SEPTIN9: variants seen among roughly 807,000 people sequenced by gnomAD.
The protein encoded by SEPTIN9 is septin 9.
In SEPTIN9, 13 loss-of-function variants were observed where a neutral mutation model predicts 56.6. The observed-to-expected ratio is 0.23, with a 90% CI of 0.15 to 0.37. The LOEUF (loss-of-function observed/expected upper bound fraction) is 0.37. SEPTIN9 is among the 10% of genes least tolerant of loss of function. The pLI, the probability that SEPTIN9 is intolerant of heterozygous loss-of-function variation, is 1.00. For synonymous variants in SEPTIN9, 332 were observed against 334.1 expected (o/e 0.99, Z 0.07); for missense variants, 650 against 823.1 (o/e 0.79, Z 2.57).
intron 2 of SEPTIN9, among the ~76,000 whole-genome samples, chr17:77,308,117 C>T (rs925462731): frequency 1.3e-4 from 20 of 152,172 alleles, no homozygotes; most frequent in Non-Finnish European, 2.5e-4. Flanking sequence ...CCCTAGGAGA[C>T]GAGGAGCTCT....
chr17:77,357,669 C>T (rs759605267), intron 2 of SEPTIN9, among the ~76,000 whole-genome samples: 13 of 152,068 alleles, frequency 8.5e-5, no homozygotes, highest in Non-Finnish European at 1.8e-4. Flanking sequence ...GGCTGAAGTG[C>T]GGTGGTGCAG....
intron 1 of SEPTIN9, among the ~76,000 whole-genome samples, chr17:77,285,076 G>T (rs1337292152): frequency 1.3e-5 from 2 of 152,202 alleles, no homozygotes; most frequent in African/African-American, 2.4e-5. Context: ...GAAGGCTGGG[G>T]TTACGCCATT....
chr17:77,308,876 A>G (rs1318511307), intron 2 of SEPTIN9, among the ~76,000 whole-genome samples: 1 of 152,196 alleles, frequency 6.6e-6, no homozygotes, highest in Admixed American at 6.5e-5. Context: ...AGTGCATGTG[A>G]GGCCCCTTGC....
intron 2 of SEPTIN9, among the ~76,000 whole-genome samples, chr17:77,328,401 C>T (rs917823206): frequency 1.3e-5 from 2 of 152,176 alleles, no homozygotes; most frequent in African/African-American, 4.8e-5. Flanking sequence ...GGTCTCACTC[C>T]GTCACCCAGG....
chr17:77,353,149 G>A (rs1284251498), intron 2 of SEPTIN9, among the ~76,000 whole-genome samples: 2 of 152,234 alleles, frequency 1.3e-5, no homozygotes, highest in East Asian at 1.9e-4. Context: ...CAGAACGAAC[G>A]GCCTCTCCAG....
chr17:77,373,069 C>A (rs1179735503), intron 2 of SEPTIN9: 3 of 497,134 alleles, frequency 6.0e-6, no homozygotes, highest in African/African-American at 4.2e-5. Context: ...GCGGGGCGCC[C>A]GGGGGGAGGG....
chr17:77,343,470 A>T (rs913598942), intron 2 of SEPTIN9, among the ~76,000 whole-genome samples: 2 of 152,146 alleles, frequency 1.3e-5, no homozygotes, highest in Admixed American at 1.3e-4. Context: ...GTTCATTTGT[A>T]TCCTTTGAAA....
chr17:77,282,539 A>T (rs887281087), intron 1 of SEPTIN9, among the ~76,000 whole-genome samples: 1 of 152,210 alleles, frequency 6.6e-6, no homozygotes, highest in Non-Finnish European at 1.5e-5. Context: ...CATCGGGGCC[A>T]TCCCCCTGCC....
Position 77,451,286 on chromosome 17 carries a change from C to T in SEPTIN9, c.722-30858C>T. ...CTGCGCCGGGCCTGCCGCTGGGCGC[C>T]CCTATCTCTGCCTGCCCCCTCCTCC... On this transcript the variant is annotated intron_variant, in intron 3 of 11. Coordinates refer to ENST00000427177, the MANE Select transcript of SEPTIN9 (RefSeq NM_001113491.2). The surrounding 1 kb of genome is among the most constrained non-coding windows in gnomAD (Gnocchi z 4.2). The T allele has an allele frequency of 1.2e-6, 1 of 843,108 alleles. No individual in the cohort carries two copies. The highest frequency in any genetic ancestry group is 5.4e-5 in the South Asian group (1 of 18,548). The allele number at this position is 843,108 out of a possible 1,614,324, so 52.2% of individuals were successfully genotyped here.
intron 1 of SEPTIN9, among the ~76,000 whole-genome samples, chr17:77,297,562 A>G (rs2031872816): frequency 6.6e-6 from 1 of 152,204 alleles, no homozygotes; most frequent in South Asian, 2.1e-4. Flanking sequence ...TTGCATGGTG[A>G]TGGTCTCCAT....
chr17:77,396,007 T>G (rs987883180), intron 2 of SEPTIN9, among the ~76,000 whole-genome samples: 1 of 152,120 alleles, frequency 6.6e-6, no homozygotes, highest in African/African-American at 2.4e-5. Context: ...TTGGAGCAAG[T>G]TGAGATCGGT....
intron 1 of SEPTIN9, among the ~76,000 whole-genome samples, chr17:77,282,723 A>ACAGCTGG (rs1384069775): frequency 6.6e-6 from 1 of 152,218 alleles, no homozygotes; most frequent in Non-Finnish European, 1.5e-5. Flanking sequence ...CCCTCTACGC[A>ACAGCTGG]CCCGGAGCAC....
At chr17:77,407,453 G>A (rs896476466) in intron 3 of SEPTIN9, among the ~76,000 whole-genome samples, 1 of 151,992 alleles carries the variant, frequency 6.6e-6, no homozygotes, top group Non-Finnish European at 1.5e-5. Flanking sequence ...GTCGTCCCTA[G>A]AGACCAAGCA....
Position 77,437,394 on chromosome 17 carries a change from G to T in SEPTIN9, c.721+34691G>T, listed in dbSNP as rs377105096. ...CTATGGGGAAGCCGGAATGGACCTG[G>T]GCTCAGAGATTGTAAATTCATCTTG... On this transcript the variant is annotated intron_variant, in intron 3 of 11. Transcript: ENST00000427177. This position sits in a 1 kb window ranked among gnomAD's most constrained non-coding sequence, Gnocchi z 5.3. 2.2e-3 allele frequency among the ~76,000 whole-genome samples: 341 copies of T among 152,138 alleles called. 8 individuals are homozygous for T. The South Asian group carries it at 0.055, about 25-fold the overall frequency.
chr17:77,458,364 C>T (rs1431267843), intron 3 of SEPTIN9, among the ~76,000 whole-genome samples: 3 of 152,154 alleles, frequency 2.0e-5, no homozygotes, highest in Non-Finnish European at 2.9e-5. Context: ...GTTCCAGCCC[C>T]GGCACCGCCG....
rs907095332 is a variant in SEPTIN9 at position 77,487,149 on chromosome 17, G to A, written c.914-275G>A. ...AAGCACAAGGGGCACAAGAGATGCCGACTCTCCCAGGCCCGGCTCACCTCT... is the reference window on the plus strand; with the variant it reads ...AAGCACAAGGGGCACAAGAGATGCCAACTCTCCCAGGCCCGGCTCACCTCT... On this transcript the variant is annotated intron_variant, in intron 4 of 11. Transcript: ENST00000427177. The surrounding 1 kb of genome is among the most constrained non-coding windows in gnomAD (Gnocchi z 4.3). Among the ~76,000 whole-genome samples the A allele has an allele frequency of 3.9e-5, 6 of 152,230 alleles. No individual in the cohort carries two copies. The highest frequency in any genetic ancestry group is 8.8e-5 in the Non-Finnish European group (6 of 68,038).
chr17:77,432,083 C>T lies in SEPTIN9; in HGVS notation c.721+29380C>T, dbSNP rs574863073. ...GGGGGCCCCTCACATGCTCTCTCTG[C>T]GTGTTTCATGGGGCTGCCTGTGAGG... On this transcript the variant is annotated intron_variant, in intron 3 of 11. Coordinates refer to ENST00000427177, the MANE Select transcript of SEPTIN9 (RefSeq NM_001113491.2). Among the ~76,000 whole-genome samples the T allele has an allele frequency of 6.6e-4, 101 of 152,238 alleles. 1 individual carries two copies. Among genetic ancestry groups the T allele is most frequent in the African/African-American group, 2.3e-3 (96 of 41,544 alleles).
intron 3 of SEPTIN9, among the ~76,000 whole-genome samples, chr17:77,426,547 C>T (rs57625899): frequency 2.6e-5 from 4 of 152,170 alleles, no homozygotes; most frequent in South Asian, 2.1e-4. Context: ...CTGCACCGGT[C>T]CCCTGGCCTG....
At position 77,435,074 on chromosome 17, in the gene SEPTIN9, T is replaced by G. The variant is rs2037289590; in HGVS notation, c.721+32371T>G. Reference sequence around the variant, plus strand: ...CTCTTTACCTGGAGTAAGTATCCCCTTTAATCCTCCCAACAACACTGTGAA... The same window carrying G: ...CTCTTTACCTGGAGTAAGTATCCCCGTTAATCCTCCCAACAACACTGTGAA... On this transcript the variant is annotated intron_variant, in intron 3 of 11. Transcript: ENST00000427177. The surrounding 1 kb of genome is among the most constrained non-coding windows in gnomAD (Gnocchi z 4.5). Among the ~76,000 whole-genome samples the G allele has an allele frequency of 6.6e-6, 1 of 152,158 alleles. No homozygotes were observed. The highest frequency in any genetic ancestry group is 2.4e-5 in the African/African-American group (1 of 41,424).
Sources: allele counts gnomAD v4.1 joint callset (sites outside exome capture counted in the v4.1 genomes callset), GRCh38; gene constraint gnomAD v4.1.1; non-coding constraint Gnocchi (gnomAD v3.1); transcripts MANE v1.5; gene names NCBI Gene and HGNC (gene_info 2026-07-23, HGNC 2026-07-21).